The following SAMD4A variants were observed in gnomAD, a reference collection of about 807,000 sequenced individuals.
The protein encoded by SAMD4A is protein Smaug homolog 1.
SAMD4A carries 33 observed loss-of-function variants against 81.3 expected under a neutral mutation model. That is an observed-to-expected ratio of 0.41 (90% confidence interval 0.31 to 0.54). The LOEUF is 0.54. Among genes scored for constraint, SAMD4A ranks in the 20% least tolerant of loss-of-function variants. SAMD4A has a pLI of 0.37. For missense variants in SAMD4A, 854 were observed against 951.1 expected, an observed-to-expected ratio of 0.90 and a Z score of 1.34; for synonymous variants, 389 against 382.1, an observed-to-expected ratio of 1.02 and a Z score of -0.21.
chr14:54,773,582 G>A (rs1046574171), intron 9 of SAMD4A, among the ~76,000 whole-genome samples: 1 of 152,226 alleles, frequency 6.6e-6, no homozygotes, highest in Non-Finnish European at 1.5e-5. Context: ...CCAACCCAAC[G>A]GCAGCGCCGG....
chr14:54,774,967 G>A lies in SAMD4A; in HGVS notation c.1749G>A (p.Thr583=), dbSNP rs117806763. Residue 583 remains threonine (T), a synonymous_variant, in exon 10 of 13, where the codon ACG becomes ACA. Transcript: ENST00000554335. ...TTGGGCAATCCAACTCCCTCCCGAC[G>A]GCTGGCTCTGTGGGCGGTGGCATGG... ...RGFGQSNSLP[T]AGSVGGGMGR... is the part of the protein sequence containing the mutation. 0.024 allele frequency: 38,782 copies of A among 1,614,106 alleles called. 591 individuals carry two copies. Among genetic ancestry groups the A allele is most frequent in the Non-Finnish European group, 0.028 (32,827 of 1,180,008 alleles).
chr14:54,767,106 T>C (rs1177840262), intron 8 of SAMD4A, among the ~76,000 whole-genome samples: 1 of 151,854 alleles, frequency 6.6e-6, no homozygotes, highest in African/African-American at 2.4e-5. Context: ...GAAGGGAAAA[T>C]GTTGTTCAGG....
intron 2 of SAMD4A, among the ~76,000 whole-genome samples, chr14:54,574,730 G>C (rs1286126113): frequency 5.9e-5 from 9 of 152,168 alleles, no homozygotes; most frequent in Non-Finnish European, 1.3e-4. Flanking sequence ...TATTTTTGTA[G>C]GATGCTTTGA....
intron 2 of SAMD4A, among the ~76,000 whole-genome samples, chr14:54,623,259 T>A (rs1039850793): frequency 4.6e-5 from 7 of 152,188 alleles, no homozygotes; most frequent in African/African-American, 1.7e-4. Context: ...TGCTCCTATG[T>A]TTTTGCTCTC....
At chr14:54,717,257 A>G (rs1221264127) in intron 3 of SAMD4A, among the ~76,000 whole-genome samples, 1 of 152,038 alleles carries the variant, frequency 6.6e-6, no homozygotes, top group African/African-American at 2.4e-5. Flanking sequence ...CCTGGGCAAC[A>G]TAGCTAGACC....
At chr14:54,708,217 C>T (rs1037624909) in intron 3 of SAMD4A, among the ~76,000 whole-genome samples, 1 of 152,194 alleles carries the variant, frequency 6.6e-6, no homozygotes, top group Non-Finnish European at 1.5e-5. Context: ...AACAGGATTT[C>T]CTGACAGAAT....
chr14:54,649,047 A>G (rs1346959462), intron 2 of SAMD4A, among the ~76,000 whole-genome samples: 2 of 152,156 alleles, frequency 1.3e-5, no homozygotes, highest in East Asian at 3.8e-4. Context: ...GATGATTCCA[A>G]AGTTTTGTCC....
chr14:54,688,670 A>T (rs2036345106), intron 2 of SAMD4A, among the ~76,000 whole-genome samples: 1 of 151,372 alleles, frequency 6.6e-6, no homozygotes, highest in Non-Finnish European at 1.5e-5. Context: ...TTGTTGACTT[A>T]AAAAAAAATC....
At chr14:54,578,156 T>C (rs1310300955) in intron 2 of SAMD4A, among the ~76,000 whole-genome samples, 1 of 152,178 alleles carries the variant, frequency 6.6e-6, no homozygotes, top group Non-Finnish European at 1.5e-5. Context: ...ATTATTCCAT[T>C]TGTCAGGGAG....
intron 12 of SAMD4A, among the ~76,000 whole-genome samples, chr14:54,785,787 A>T (rs1446581540): frequency 6.6e-6 from 1 of 152,212 alleles, no homozygotes; most frequent in Non-Finnish European, 1.5e-5. Context: ...CATGGAGCAG[A>T]GTGGTGGGCC....
intron 6 of SAMD4A, among the ~76,000 whole-genome samples, chr14:54,754,129 C>T (rs530273869): frequency 5.3e-5 from 8 of 152,316 alleles, no homozygotes; most frequent in Non-Finnish European, 1.0e-4. Context: ...TTATTCCCTG[C>T]AGCCTGGCAG....
intron 2 of SAMD4A, among the ~76,000 whole-genome samples, chr14:54,598,701 A>T (rs1323088882): frequency 6.6e-6 from 1 of 152,224 alleles, no homozygotes; most frequent in Non-Finnish European, 1.5e-5. Flanking sequence ...GCAAAAAACA[A>T]AAGTCAGAAA....
intron 2 of SAMD4A, among the ~76,000 whole-genome samples, chr14:54,606,337 G>T (rs960656106): frequency 6.6e-6 from 1 of 152,178 alleles, no homozygotes; most frequent in African/African-American, 2.4e-5. Flanking sequence ...ATCCTGATTG[G>T]CCATCACAGA....
chr14:54,702,273 G>C lies in SAMD4A; in HGVS notation c.408G>C (p.Ser136=). 6.2e-7 allele frequency: 1 copy of C among 1,614,164 alleles called. No individual in the cohort carries two copies. The highest frequency in any genetic ancestry group is 8.5e-7 in the Non-Finnish European group (1 of 1,180,018). The change falls in exon 3 of 13, where the codon TCG becomes TCC. Residue 136 remains serine, a synonymous_variant. Coordinates refer to ENST00000554335, the MANE Select transcript of SAMD4A (RefSeq NM_015589.6). ...ATGCTTTGATACATCCAGCCACTTC[G>C]TTAGAAGACCGTAGTGCTTTAGCCA... The part of the protein sequence containing the change: ...LSYALIHPAT[S]LEDRSALAMW...
chr14:54,623,250 G>A (rs2034661653), intron 2 of SAMD4A, among the ~76,000 whole-genome samples: 1 of 152,072 alleles, frequency 6.6e-6, no homozygotes. Context: ...ACCTGGTATT[G>A]CTCCTATGTT....
intron 2 of SAMD4A, chr14:54,681,758 A>G: frequency 1.0e-6 from 1 of 982,776 alleles, no homozygotes; most frequent in African/African-American, 1.7e-5. Context: ...TATTTTAATT[A>G]GTTTTTTGAT....
intron 2 of SAMD4A, among the ~76,000 whole-genome samples, chr14:54,674,203 G>A (rs966992152): frequency 6.6e-6 from 1 of 152,222 alleles, no homozygotes; most frequent in Admixed American, 6.5e-5. Flanking sequence ...CTGGCAAGAG[G>A]TTTGTCTCAT....
chr14:54,662,532 C>T (rs2035666513), intron 2 of SAMD4A, among the ~76,000 whole-genome samples: 2 of 151,892 alleles, frequency 1.3e-5, no homozygotes, highest in Non-Finnish European at 2.9e-5. Context: ...GCCTCAGCCT[C>T]CCAAGTAACT....
chr14:54,647,699 G>A (rs114944471), intron 2 of SAMD4A, among the ~76,000 whole-genome samples: 3,986 of 152,246 alleles, frequency 0.026, 57 homozygotes, highest in Middle Eastern at 0.085. Context: ...AATTAGGGTG[G>A]ATCTCAGGGA....
Sources: allele counts gnomAD v4.1 joint callset (sites outside exome capture counted in the v4.1 genomes callset), GRCh38; gene constraint gnomAD v4.1.1; transcripts MANE v1.5; gene names NCBI Gene and HGNC (gene_info 2026-07-23, HGNC 2026-07-21).